Variants in DTNA observed in about 807,000 individuals in gnomAD.
The protein encoded by DTNA is dystrophin-related protein 3.
A neutral mutation model predicts 100.7 loss-of-function variants in DTNA; 43 were observed. The ratio of observed to expected loss-of-function variants is 0.43; its 90% CI spans 0.33 to 0.55. The LOEUF is 0.55. Among genes scored for constraint, DTNA ranks in the 20% least tolerant of loss-of-function variants. The pLI is 0.04. For synonymous variants in DTNA, 349 were observed against 347.9 expected (o/e 1.00, Z -0.04); for missense variants, 798 against 953.9 (o/e 0.84, Z 2.15).
At chr18:34,871,336 A>G (rs991099843) in intron 17 of DTNA, among the ~76,000 whole-genome samples, 7 of 152,216 alleles carry the variant, frequency 4.6e-5, no homozygotes, top group Non-Finnish European at 7.3e-5. Context: ...GTAGACTTGG[A>G]GGATGGTGCA....
chr18:34,666,172 G>A (rs2075895884), intron 1 of DTNA, among the ~76,000 whole-genome samples: 2 of 152,292 alleles, frequency 1.3e-5, no homozygotes, highest in South Asian at 4.1e-4. Context: ...CTGATGGCCA[G>A]TGATGATGAG....
At chr18:34,741,041 A>ATT (rs2090555453) in intron 1 of DTNA, among the ~76,000 whole-genome samples, 1 of 152,218 alleles carries the variant, frequency 6.6e-6, no homozygotes, top group Non-Finnish European at 1.5e-5. Flanking sequence ...TAATACAAAA[A>ATT]TTAACTTTGT....
intron 1 of DTNA, among the ~76,000 whole-genome samples, chr18:34,566,921 A>T (rs1042634582): frequency 5.3e-5 from 8 of 152,224 alleles, no homozygotes; most frequent in African/African-American, 1.4e-4. Flanking sequence ...CTGCAATGAC[A>T]TCTGTTGTTA....
At chr18:34,819,986 T>G (rs1211586956) in intron 8 of DTNA, among the ~76,000 whole-genome samples, 3 of 146,614 alleles carry the variant, frequency 2.0e-5, no homozygotes, top group Admixed American at 6.8e-5. Flanking sequence ...GTTTTTGCCA[T>G]TACTTTCAAA....
At chr18:34,621,260 T>G (rs1258919669) in intron 1 of DTNA, among the ~76,000 whole-genome samples, 1 of 150,210 alleles carries the variant, frequency 6.7e-6, no homozygotes, top group Non-Finnish European at 1.5e-5. Flanking sequence ...GAATAATGAT[T>G]GTGTGTGTAT....
At chr18:34,557,888 G>T in intron 1 of DTNA, 1 of 152,728 alleles carries the variant, frequency 6.5e-6, no homozygotes, top group Non-Finnish European at 1.5e-5. Context: ...GAGCTGTGGT[G>T]GGCTCCACCC....
At chr18:34,723,667 G>A (rs2085896046) in intron 1 of DTNA, among the ~76,000 whole-genome samples, 4 of 152,202 alleles carry the variant, frequency 2.6e-5, no homozygotes, top group Admixed American at 2.6e-4. Context: ...GGGAGGCCGA[G>A]GCAGGTAGAT....
rs2039137397 is a variant in DTNA, at chr18:34,495,849, T to TA, written c.-2+2336dup. On this transcript the variant is annotated intron_variant, in intron 1 of 19. Transcript: ENST00000283365. ...TCAATGGGGTGAGCTCCAACTTACT[T>TA]AGAGAATTACTCTCACATATTTAGA... 3.9e-5 allele frequency among the ~76,000 whole-genome samples: 6 copies of TA among 152,328 alleles called. No individual in the cohort carries two copies. In the South Asian group the frequency reaches 1.0e-3, roughly 26 times the overall value.
chr18:34,640,806 T>G (rs929060800), intron 1 of DTNA, among the ~76,000 whole-genome samples: 8 of 152,210 alleles, frequency 5.3e-5, no homozygotes, highest in African/African-American at 9.6e-5. Flanking sequence ...GTTCCCTATT[T>G]TCATGTTAAA....
At chr18:34,621,833 A>C (rs1183861097) in intron 1 of DTNA, among the ~76,000 whole-genome samples, 1 of 152,234 alleles carries the variant, frequency 6.6e-6, no homozygotes, top group East Asian at 1.9e-4. Flanking sequence ...ATTATAAAAA[A>C]TAAGTATATG....
chr18:34,647,665 G>A (rs560197040), intron 1 of DTNA, among the ~76,000 whole-genome samples: 7 of 152,244 alleles, frequency 4.6e-5, no homozygotes, highest in African/African-American at 1.7e-4. Context: ...TGTCACTAAG[G>A]AATTATGAAA....
intron 1 of DTNA, among the ~76,000 whole-genome samples, chr18:34,722,606 T>C (rs1008432790): frequency 1.0e-4 from 15 of 147,130 alleles, no homozygotes; most frequent in East Asian, 3.9e-4. Flanking sequence ...TATATATACA[T>C]ACACACACAC....
At chr18:34,495,112 T>C (rs2039044043) in intron 1 of DTNA, among the ~76,000 whole-genome samples, 2 of 152,222 alleles carry the variant, frequency 1.3e-5, no homozygotes, top group Admixed American at 1.3e-4. Context: ...GTTAGGAGTC[T>C]AGTTGGGCTT....
At chr18:34,661,571 G>A (rs1364228515) in intron 1 of DTNA, among the ~76,000 whole-genome samples, 1 of 152,174 alleles carries the variant, frequency 6.6e-6, no homozygotes, top group Non-Finnish European at 1.5e-5. Flanking sequence ...ATAACAGCCA[G>A]AGTCTGTTTT....
At chr18:34,833,404 C>CTGTGTGTGTGTG (rs58409064) in intron 11 of DTNA, among the ~76,000 whole-genome samples, 30 of 145,000 alleles carry the variant, frequency 2.1e-4, no homozygotes, top group African/African-American at 7.3e-4. Context: ...CATTGTGTCA[C>CTGTGTGTGTGTG]TGTGTGTGTG....
intron 4 of DTNA, among the ~76,000 whole-genome samples, chr18:34,804,851 G>A (rs1273440961): frequency 6.6e-6 from 1 of 152,116 alleles, no homozygotes; most frequent in African/African-American, 2.4e-5. Context: ...TTGCATTCTG[G>A]CTGGTTGTAT....
chr18:34,689,051 T>C (rs1287984439), intron 1 of DTNA, among the ~76,000 whole-genome samples: 3 of 152,168 alleles, frequency 2.0e-5, no homozygotes, highest in Non-Finnish European at 4.4e-5. Flanking sequence ...CTCTAACCTT[T>C]TTTCAAGGTT....
intron 1 of DTNA, among the ~76,000 whole-genome samples, chr18:34,692,435 T>C (rs1286808719): frequency 1.3e-5 from 2 of 152,198 alleles, no homozygotes; most frequent in African/African-American, 4.8e-5. Flanking sequence ...CTTGCCAATG[T>C]TGTATTTCTG....
chr18:34,800,567 A>G (rs1276482789), intron 4 of DTNA, among the ~76,000 whole-genome samples: 1 of 152,208 alleles, frequency 6.6e-6, no homozygotes, highest in African/African-American at 2.4e-5. Context: ...ATGTGTGAGA[A>G]AGAGCAGTTT....
Sources: gnomAD v4.1 joint callset for allele counts (sites outside exome capture counted in the v4.1 genomes callset) on GRCh38, gnomAD v4.1.1 for gene constraint, MANE v1.5 for transcripts, NCBI Gene and HGNC (gene_info 2026-07-23, HGNC 2026-07-21) for gene names.